Variants in PCSK5 observed in about 807,000 individuals in gnomAD.
PCSK5 encodes prohormone convertase 5.
In PCSK5, 129 loss-of-function variants were observed where a neutral mutation model predicts 233.2. The ratio of observed to expected loss-of-function variants is 0.55; its 90% CI spans 0.48 to 0.64. The LOEUF is 0.64. PCSK5 is among the 30% of genes least tolerant of loss of function. The probability of loss-of-function intolerance (pLI) is 0.00; values close to 1 mark genes in which losing one functional copy is unlikely to be tolerated. For synonymous variants in PCSK5, 825 were observed against 879.2 expected (o/e 0.94, Z 1.09); for missense variants, 2,076 against 2,430.1 (o/e 0.85, Z 3.06).
chr9:76,340,220 A>G (rs763828066), intron 35 of PCSK5, among the ~76,000 whole-genome samples: 3 of 152,144 alleles, frequency 2.0e-5, no homozygotes, highest in Non-Finnish European at 4.4e-5. Context: ...TACTACATTC[A>G]TTGTGTATCC....
chr9:75,978,869 C>CTTTTTTTTT lies in PCSK5; in HGVS notation c.298-7261_298-7253dup, dbSNP rs5898441. ...TTTTAGGCTTTGTTTGAATGTTTCC[C>CTTTTTTTTT]TTTTTTTTTTCTTTTTTTCTGAGAT... On this transcript the variant is annotated intron_variant, in intron 2 of 37. Coordinates refer to ENST00000674117, the MANE Select transcript of PCSK5 (RefSeq NM_001372043.1). Among the ~76,000 whole-genome samples, 66 of 128,042 alleles carry CTTTTTTTTT rather than the reference C, an allele frequency of 5.2e-4. 8 individuals are homozygous for CTTTTTTTTT. Among genetic ancestry groups the CTTTTTTTTT allele is most frequent in the Non-Finnish European group, 8.4e-4 (51 of 60,976 alleles). 84.0% of individuals were successfully genotyped at this position (128,042 alleles called of 152,430 possible). A position where few individuals can be genotyped will look rare whatever the true frequency, so the allele number is the denominator to read the frequency against.
At chr9:75,994,323 A>G (rs2131410438) in intron 3 of PCSK5, among the ~76,000 whole-genome samples, 1 of 148,342 alleles carries the variant, frequency 6.7e-6, no homozygotes, top group South Asian at 2.2e-4. Context: ...CTAAGCCATC[A>G]TCTCTTAACT....
At chr9:76,299,590 T>C (rs771981653) in intron 27 of PCSK5, among the ~76,000 whole-genome samples, 11 of 152,180 alleles carry the variant, frequency 7.2e-5, no homozygotes, top group Non-Finnish European at 1.5e-4. Flanking sequence ...AAGAATCACT[T>C]GAACCCAGGA....
intron 4 of PCSK5, among the ~76,000 whole-genome samples, chr9:76,024,358 C>T (rs903000881): frequency 1.4e-4 from 22 of 152,178 alleles, no homozygotes; most frequent in African/African-American, 5.3e-4. Flanking sequence ...ACCACAAATT[C>T]ATTTAGTTCT....
chr9:76,189,216 T>C lies in PCSK5; in HGVS notation c.2503T>C (p.Cys835Arg). The change falls in exon 19 of 38, where the codon TGC becomes CGC. Residue 835 changes from cysteine (C) to arginine (R), a missense_variant. Physicochemically the swap from Cys to Arg is radical, Grantham distance 180 (BLOSUM62 -3). Around this residue, in one of 6 missense-constraint regions of PCSK5, gnomAD observed 1,510 missense variants for 1,538.1 expected, o/e 0.98. Coordinates refer to ENST00000674117, the MANE Select transcript of PCSK5 (RefSeq NM_001372043.1). ...CTCTTCAGAGAATGGATACAAATCC[T>C]GCAAAAAGTAAGTGGATCTGCCCCC... ...DHSSENGYKS[C>R]KKCDISCLTC... The C allele has an allele frequency of 6.2e-7, 1 of 1,612,562 alleles. No homozygotes were observed. The highest frequency in any genetic ancestry group is 8.5e-7 in the Non-Finnish European group (1 of 1,179,694).
At chr9:76,141,494 A>C (rs1026575474) in intron 10 of PCSK5, among the ~76,000 whole-genome samples, 1 of 152,136 alleles carries the variant, frequency 6.6e-6, no homozygotes, top group African/African-American at 2.4e-5. Flanking sequence ...ATTTACATAC[A>C]ATAAAAAAGC....
intron 9 of PCSK5, among the ~76,000 whole-genome samples, chr9:76,131,413 T>C (rs1822757861): frequency 2.6e-5 from 4 of 152,140 alleles, no homozygotes; most frequent in African/African-American, 9.7e-5. Context: ...TCAGGAAATT[T>C]TCAAATTAGA....
At chr9:75,996,398 G>T (rs1428661344) in intron 3 of PCSK5, among the ~76,000 whole-genome samples, 1 of 152,164 alleles carries the variant, frequency 6.6e-6, no homozygotes, top group Non-Finnish European at 1.5e-5. Context: ...AGGGATTTGG[G>T]TAATTTTCAT....
chr9:76,293,980 T>C (rs1363262850), intron 25 of PCSK5, among the ~76,000 whole-genome samples: 1 of 152,206 alleles, frequency 6.6e-6, no homozygotes, highest in Non-Finnish European at 1.5e-5. Flanking sequence ...GTGGATCACC[T>C]GAGGTCAGGA....
chr9:76,297,781 A>G (rs12343896), intron 27 of PCSK5, among the ~76,000 whole-genome samples: 4 of 152,196 alleles, frequency 2.6e-5, no homozygotes, highest in Non-Finnish European at 5.9e-5. Context: ...AGTGCTGTAC[A>G]GGAGGAGTGT....
chr9:76,186,751 G>A (rs143627843), intron 17 of PCSK5, among the ~76,000 whole-genome samples: 8 of 151,994 alleles, frequency 5.3e-5, no homozygotes, highest in Non-Finnish European at 8.8e-5. Flanking sequence ...TAAGTGTTTC[G>A]GTGGTCCTTA....
At chr9:76,273,467 G>T (rs1410559395) in intron 24 of PCSK5, among the ~76,000 whole-genome samples, 2 of 150,950 alleles carry the variant, frequency 1.3e-5, no homozygotes, top group East Asian at 3.9e-4. Flanking sequence ...TACATACTAT[G>T]TCTCTTTATC....
intron 5 of PCSK5, among the ~76,000 whole-genome samples, chr9:76,030,949 A>G (rs944781577): frequency 1.3e-5 from 2 of 152,116 alleles, no homozygotes; most frequent in Non-Finnish European, 2.9e-5. Flanking sequence ...GGACACAGAC[A>G]TTGTTCCCAG....
At chr9:76,062,687 T>C (rs1362449723) in intron 5 of PCSK5, among the ~76,000 whole-genome samples, 2 of 152,220 alleles carry the variant, frequency 1.3e-5, no homozygotes, top group Non-Finnish European at 2.9e-5. Context: ...ATAATAATTG[T>C]ACATATTTAT....
intron 24 of PCSK5, among the ~76,000 whole-genome samples, chr9:76,285,561 G>C (rs942192440): frequency 9.9e-5 from 15 of 152,144 alleles, no homozygotes; most frequent in African/African-American, 3.4e-4. Flanking sequence ...GGTAGGGGGG[G>C]AGTCTGGCTT....
intron 2 of PCSK5, among the ~76,000 whole-genome samples, chr9:75,957,957 G>A (rs1359563200): frequency 6.6e-6 from 1 of 152,110 alleles, no homozygotes; most frequent in Non-Finnish European, 1.5e-5. Flanking sequence ...CGGGCAAATG[G>A]ATCCTCCTTT....
chr9:76,307,732 T>C (rs1828744274), intron 28 of PCSK5, among the ~76,000 whole-genome samples: 2 of 151,634 alleles, frequency 1.3e-5, no homozygotes, highest in Admixed American at 1.3e-4. Flanking sequence ...AAACTTAAGA[T>C]GAGATAAATT....
chr9:76,176,340 C>T (rs10781343), intron 14 of PCSK5, among the ~76,000 whole-genome samples: 14,384 of 152,092 alleles, frequency 0.095, 1,104 homozygotes, highest in East Asian at 0.35. Context: ...TTTCTGGTTC[C>T]GCCTTTTCTG....
intron 24 of PCSK5, among the ~76,000 whole-genome samples, chr9:76,273,564 A>AT (rs1564148799): frequency 0.011 from 805 of 74,828 alleles, 9 homozygotes; most frequent in African/African-American, 0.039. Context: ...ACAAAATAGT[A>AT]ATATATATAT....
Sources: gnomAD v4.1 joint callset for allele counts (sites outside exome capture counted in the v4.1 genomes callset) on GRCh38, gnomAD v4.1.1 for gene constraint, gnomAD v4.1.1 regional missense constraint, MANE v1.5 for transcripts, NCBI Gene and HGNC (gene_info 2026-07-23, HGNC 2026-07-21) for gene names.